Variants in TANC2 observed in about 807,000 individuals in gnomAD.
TANC2 encodes protein TANC2.
Under a neutral mutation model 210.5 loss-of-function variants are expected in TANC2, and 26 were observed. The observed-to-expected ratio is 0.12, with a 90% CI of 0.09 to 0.17. The LOEUF is 0.17. Ranked by LOEUF, TANC2 falls within the 10% of genes least tolerant of loss-of-function variation. The pLI, the probability that TANC2 is intolerant of heterozygous loss-of-function variation, is 1.00. For synonymous variants in TANC2, 931 were observed against 967.1 expected (o/e 0.96, Z 0.69); for missense variants, 2,129 against 2,608.9 (o/e 0.82, Z 4.01).
chr17:63,410,610 T>C (rs2048664518), intron 21 of TANC2, among the ~76,000 whole-genome samples: 1 of 151,924 alleles, frequency 6.6e-6, no homozygotes, highest in African/African-American at 2.4e-5. Flanking sequence ...TTCACCGAAC[T>C]CTGGTGCAGT....
intron 5 of TANC2, among the ~76,000 whole-genome samples, chr17:63,170,105 G>A (rs2040352011): frequency 6.7e-6 from 1 of 148,990 alleles, no homozygotes; most frequent in South Asian, 2.1e-4. Context: ...ACTCCAGCCT[G>A]GGTGATAGAG....
At chr17:62,997,914 T>A (rs759594194) in intron 1 of TANC2, among the ~76,000 whole-genome samples, 63 of 152,104 alleles carry the variant, frequency 4.1e-4, no homozygotes, top group Non-Finnish European at 6.0e-4. Flanking sequence ...AGATATTTTT[T>A]AAAAAGCTGG....
intron 2 of TANC2, among the ~76,000 whole-genome samples, chr17:63,020,710 T>C (rs2034311012): frequency 6.6e-6 from 1 of 152,264 alleles, no homozygotes; most frequent in Non-Finnish European, 1.5e-5. Flanking sequence ...TGACTGTTTG[T>C]ATTAGTCCAT....
rs1227572419 is a variant in TANC2 at position 63,281,529 on chromosome 17, C to A, written c.1159+13656C>A. On this transcript the variant is annotated intron_variant, in intron 9 of 27. Coordinates refer to ENST00000689528, the Ensembl canonical transcript of TANC2. ...TATTATAACCGAAGAGAATTTGAAT[C>A]CGGCTAAGTTAACTTGAACAAAAAT... Among the ~76,000 whole-genome samples the A allele has an allele frequency of 2.6e-5, 4 of 151,976 alleles. No homozygotes were observed. The East Asian group carries it at 7.7e-4, about 29-fold the overall frequency.
At chr17:63,050,726 A>G (rs975601162) in intron 2 of TANC2, among the ~76,000 whole-genome samples, 1 of 152,242 alleles carries the variant, frequency 6.6e-6, no homozygotes, top group African/African-American at 2.4e-5. Context: ...ATCAAAAAAT[A>G]AAACTGAGAA....
chr17:63,356,015 G>A (rs577935750), intron 14 of TANC2, among the ~76,000 whole-genome samples: 1 of 151,988 alleles, frequency 6.6e-6, no homozygotes, highest in Non-Finnish European at 1.5e-5. Context: ...AAAGTCATAA[G>A]GTTAATACAT....
chr17:63,168,457 G>T (rs2040291227), intron 5 of TANC2, among the ~76,000 whole-genome samples: 1 of 152,002 alleles, frequency 6.6e-6, no homozygotes, highest in Non-Finnish European at 1.5e-5. Context: ...TCTGTTCTCT[G>T]GACCCTTCAC....
chr17:63,181,386 A>T (rs2040779239), intron 5 of TANC2, among the ~76,000 whole-genome samples: 1 of 152,180 alleles, frequency 6.6e-6, no homozygotes, highest in Non-Finnish European at 1.5e-5. Context: ...TACCCTCTAC[A>T]GTCTCAACTT....
intron 3 of TANC2, among the ~76,000 whole-genome samples, chr17:63,075,519 T>C (rs1254908222): frequency 6.6e-6 from 1 of 151,444 alleles, no homozygotes; most frequent in African/African-American, 2.4e-5. Flanking sequence ...TATCTCTTTA[T>C]TCAAAAGAAA....
At chr17:63,192,602 G>C (rs2041222161) in intron 5 of TANC2, among the ~76,000 whole-genome samples, 1 of 152,168 alleles carries the variant, frequency 6.6e-6, no homozygotes, top group Non-Finnish European at 1.5e-5. Flanking sequence ...TCTGGAGTCA[G>C]GGAGCTCAAG....
intron 4 of TANC2, among the ~76,000 whole-genome samples, chr17:63,114,452 G>C (rs1217226838): frequency 2.0e-5 from 3 of 152,134 alleles, no homozygotes; most frequent in Non-Finnish European, 4.4e-5. Flanking sequence ...TGATTTTTAA[G>C]AATATATTTC....
At chr17:63,347,844 A>T (rs986730183) in intron 12 of TANC2, among the ~76,000 whole-genome samples, 1 of 152,184 alleles carries the variant, frequency 6.6e-6, no homozygotes, top group Admixed American at 6.6e-5. Flanking sequence ...GCAAGATCAT[A>T]GCTCACTGCA....
At chr17:63,234,231 A>G (rs2042558512) in intron 7 of TANC2, among the ~76,000 whole-genome samples, 1 of 152,208 alleles carries the variant, frequency 6.6e-6, no homozygotes, top group African/African-American at 2.4e-5. Context: ...GTACAGTACT[A>G]TATTCCTAGC....
rs1258084181 is a variant in TANC2 at position 63,412,607 on chromosome 17, C to T, written c.3899-73C>T. On this transcript the variant is annotated intron_variant, in intron 23 of 27. Transcript: ENST00000689528. This position sits in a 1 kb window ranked among gnomAD's most constrained non-coding sequence, Gnocchi z 4.2. ...TGCCTCTCACTGCTGCTTTTTCCTT[C>T]TTTTTTTTTTTTTCACCTTCATCCA... 2 of 1,151,662 alleles carry T rather than the reference C, an allele frequency of 1.7e-6. No individual in the cohort carries two copies. Among genetic ancestry groups the T allele is most frequent in the African/African-American group, 1.6e-5 (1 of 62,392 alleles). 71.3% of individuals were successfully genotyped at this position (1,151,662 alleles called of 1,614,324 possible). A position where few individuals can be genotyped will look rare whatever the true frequency, so the allele number is the denominator to read the frequency against.
intron 20 of TANC2, among the ~76,000 whole-genome samples, chr17:63,405,785 T>C (rs1191931067): frequency 1.3e-5 from 2 of 152,208 alleles, no homozygotes; most frequent in Non-Finnish European, 2.9e-5. Context: ...AGTCACTTGA[T>C]TATGTTCAGT....
At chr17:63,260,677 G>A (rs1227609916) in intron 8 of TANC2, among the ~76,000 whole-genome samples, 2 of 151,574 alleles carry the variant, frequency 1.3e-5, no homozygotes, top group African/African-American at 4.9e-5. Context: ...AGGTAGAATC[G>A]CTTGAACCTG....
At chr17:63,393,326 G>A (rs1214853259) in intron 17 of TANC2, 6 of 152,250 alleles carry the variant, frequency 3.9e-5, no homozygotes, top group Middle Eastern at 3.4e-3. Flanking sequence ...CTTATTACAG[G>A]TGGTGTTAAC....
At chr17:63,388,484 C>A (rs1469434720) in intron 15 of TANC2, 151 bp from the exon 16 acceptor site, 1 of 707,808 alleles carries the variant, frequency 1.4e-6, no homozygotes, top group Non-Finnish European at 2.2e-6. Flanking sequence ...GGTCTTTGTC[C>A]CCCCACCTAG....
intron 6 of TANC2, among the ~76,000 whole-genome samples, chr17:63,199,680 T>G (rs943390709): frequency 6.6e-6 from 1 of 152,096 alleles, no homozygotes; most frequent in African/African-American, 2.4e-5. Context: ...TATTCACTAT[T>G]GTAGTAATTT....
Sources: gnomAD v4.1 joint callset for allele counts (sites outside exome capture counted in the v4.1 genomes callset) on GRCh38, gnomAD v4.1.1 for gene constraint, Gnocchi (gnomAD v3.1) non-coding constraint, MANE v1.5 for transcripts, NCBI Gene and HGNC (gene_info 2026-07-23, HGNC 2026-07-21) for gene names.